The following JAK2 variants were observed in gnomAD, a reference collection of about 807,000 sequenced individuals.
The protein encoded by JAK2 is Janus kinase 2, also known as tyrosine-protein kinase JAK2.
A neutral mutation model predicts 139.3 loss-of-function variants in JAK2; 86 were observed. The observed-to-expected ratio is 0.62, with a 90% confidence interval of 0.52 to 0.74. JAK2 has a LOEUF of 0.74. Ranked by LOEUF, JAK2 falls within the 30% of genes least tolerant of loss-of-function variation. JAK2 has a pLI of 0.00. For synonymous variants in JAK2, 490 were observed against 437.7 expected, an observed-to-expected ratio of 1.12 and a Z score of -1.49; for missense variants, 1,421 against 1,360.3, an observed-to-expected ratio of 1.04 and a Z score of -0.70.
intron 4 of JAK2, among the ~76,000 whole-genome samples, chr9:5,034,914 CA>C (rs1169621389): frequency 3.9e-5 from 6 of 151,994 alleles, no homozygotes; most frequent in East Asian, 1.9e-4. Flanking sequence ...CATAGAGAGA[CA>C]AAAAACCCTT....
chr9:5,079,656 T>G (rs545602926), intron 16 of JAK2, among the ~76,000 whole-genome samples: 2 of 152,216 alleles, frequency 1.3e-5, no homozygotes, highest in African/African-American at 4.8e-5. Flanking sequence ...AAAAAAAGAT[T>G]TGGCCAGGTG....
At chr9:5,012,437 C>T (rs1159450955) in intron 2 of JAK2, among the ~76,000 whole-genome samples, 1 of 152,072 alleles carries the variant, frequency 6.6e-6, no homozygotes, top group African/African-American at 2.4e-5. Flanking sequence ...ACTACTCTCT[C>T]ATTATCAAAA....
chr9:5,082,086 C>A (rs540433725), intron 19 of JAK2, among the ~76,000 whole-genome samples: 1 of 152,060 alleles, frequency 6.6e-6, no homozygotes, highest in African/African-American at 2.4e-5. Context: ...TCAGGTGGGA[C>A]CAGAGACTGA....
intron 4 of JAK2, among the ~76,000 whole-genome samples, chr9:5,035,358 A>C (rs1425737236): frequency 2.6e-5 from 4 of 152,236 alleles, no homozygotes; most frequent in Non-Finnish European, 4.4e-5. Context: ...ATAGAATAAG[A>C]GGGAATCCTC....
intron 2 of JAK2, among the ~76,000 whole-genome samples, chr9:5,007,383 G>A (rs1183523680): frequency 6.6e-6 from 1 of 152,022 alleles, no homozygotes; most frequent in Non-Finnish European, 1.5e-5. Context: ...CGGGTTTCTA[G>A]TTATTTTTCT....
chr9:5,022,378 A>T (rs1413349359), intron 3 of JAK2, among the ~76,000 whole-genome samples, 165 bp downstream of exon 3: 5 of 152,148 alleles, frequency 3.3e-5, no homozygotes, highest in Non-Finnish European at 7.4e-5. Flanking sequence ...ACTGGAGTAC[A>T]ATTTATGGTG....
At chr9:5,086,261 T>A (rs911271332) in intron 19 of JAK2, 39 of 485,812 alleles carry the variant, frequency 8.0e-5, no homozygotes, top group Middle Eastern at 1.9e-3. Context: ...TGGCTCCGCC[T>A]CTGGCCCGCG....
intron 2 of JAK2, among the ~76,000 whole-genome samples, chr9:4,997,879 G>A (rs1176104604): frequency 6.6e-6 from 1 of 151,866 alleles, no homozygotes; most frequent in Non-Finnish European, 1.5e-5. Context: ...CCATGTTTAT[G>A]TATTTCTTAT....
Position 5,080,294 on chromosome 9 carries a change from G to C in JAK2, c.2197G>C (p.Ala733Pro), listed in dbSNP as rs375201828. 12 of 1,613,080 alleles carry C rather than the reference G, an allele frequency of 7.4e-6. No homozygotes were observed. In the African/African-American group the frequency reaches 1.6e-4, roughly 22 times the overall value. ...TGAAAATCCTAAAAATTTAAATTTGGCAACAGACAAATGGAGTTTTGGTAC... is the reference window on the plus strand; with the variant it reads ...TGAAAATCCTAAAAATTTAAATTTGCCAACAGACAAATGGAGTTTTGGTAC... ...CIENPKNLNL[A>P]TDKWSFGTTL... Residue 733 changes from alanine (A) to proline (P), a missense_variant, in exon 17 of 25, where the codon GCA (alanine) becomes CCA (proline). Physicochemically the swap from Ala to Pro is conservative, Grantham distance 27 (BLOSUM62 -1). Transcript: ENST00000381652.
chr9:5,035,208 C>T (rs543672202), intron 4 of JAK2, among the ~76,000 whole-genome samples: 67 of 152,256 alleles, frequency 4.4e-4, no homozygotes, highest in African/African-American at 1.5e-3. Flanking sequence ...CTGCATAGAC[C>T]AATAACAGGC....
intron 2 of JAK2, among the ~76,000 whole-genome samples, chr9:5,008,502 TAAAGAAATATAA>T (rs1821470098): frequency 6.6e-6 from 1 of 152,212 alleles, no homozygotes; most frequent in Non-Finnish European, 1.5e-5. Context: ...GTAAATGTTC[TAAAGAAATATAA>T]AATGATAGTT....
At chr9:5,107,026 A>G (rs941926987) in intron 22 of JAK2, among the ~76,000 whole-genome samples, 5 of 152,218 alleles carry the variant, frequency 3.3e-5, no homozygotes, top group South Asian at 2.1e-4. Flanking sequence ...AACTTAAAGT[A>G]TAATAAAAAT....
chr9:4,995,300 C>G (rs1820497626), intron 2 of JAK2, among the ~76,000 whole-genome samples: 1 of 152,096 alleles, frequency 6.6e-6, no homozygotes, highest in South Asian at 2.1e-4. Context: ...GTTGTTTTCC[C>G]TAGGTTGTCT....
At chr9:5,079,080 T>A (rs1395854086) in intron 16 of JAK2, among the ~76,000 whole-genome samples, 1 of 152,190 alleles carries the variant, frequency 6.6e-6, no homozygotes, top group Non-Finnish European at 1.5e-5. Context: ...TGTGTCCTAT[T>A]TAAGCTAATA....
intron 22 of JAK2, chr9:5,114,574 G>T: frequency 2.0e-6 from 1 of 491,216 alleles, no homozygotes; most frequent in Non-Finnish European, 4.0e-6. Context: ...CAGAACTTCT[G>T]GCCCAAGGAC....
At chr9:5,055,900 T>A in intron 8 of JAK2, 112 bp downstream of exon 8, 2 of 929,266 alleles carry the variant, frequency 2.2e-6, no homozygotes, top group Non-Finnish European at 3.2e-6. Context: ...ATTGTAGTTT[T>A]AAATATAACT....
intron 10 of JAK2, among the ~76,000 whole-genome samples, chr9:5,067,091 T>C (rs1818622055): frequency 1.3e-5 from 2 of 152,178 alleles, no homozygotes; most frequent in African/African-American, 2.4e-5. Context: ...TTGATGTTTC[T>C]TTGTTTGCAA....
intron 2 of JAK2, among the ~76,000 whole-genome samples, chr9:4,990,514 T>G (rs1168000842): frequency 6.6e-6 from 1 of 152,028 alleles, no homozygotes; most frequent in Non-Finnish European, 1.5e-5. Flanking sequence ...GTTAGCGAAG[T>G]TAAGGCTGGT....
intron 22 of JAK2, chr9:5,096,860 A>C (rs903196296): frequency 1.5e-4 from 23 of 152,242 alleles, no homozygotes; most frequent in African/African-American, 5.3e-4. Context: ...AATTTGTCAT[A>C]ATCTTCTTTA....
Sources: allele counts gnomAD v4.1 joint callset (sites outside exome capture counted in the v4.1 genomes callset), GRCh38; gene constraint gnomAD v4.1.1; transcripts MANE v1.5; gene names NCBI Gene and HGNC (gene_info 2026-07-23, HGNC 2026-07-21).